Variants in GNA14 observed in about 807,000 individuals in gnomAD.
The protein encoded by GNA14 is G protein subunit alpha 14, also known as guanine nucleotide-binding protein subunit alpha-14.
Under a neutral mutation model 42.0 loss-of-function variants are expected in GNA14, and 50 were observed. The ratio of observed to expected loss-of-function variants is 1.19; its 90% CI spans 0.95 to 1.51. The LOEUF is 1.51. Ranked by LOEUF, GNA14 falls within the 40% of genes most tolerant of loss-of-function variation. The pLI is 0.00. For missense variants in GNA14, 473 were observed against 446.2 expected (o/e 1.06, Z -0.54); for synonymous variants, 173 against 163.1 (o/e 1.06, Z -0.46).
intron 2 of GNA14, among the ~76,000 whole-genome samples, chr9:77,525,264 T>C (rs1054206580): frequency 2.0e-5 from 3 of 152,170 alleles, no homozygotes; most frequent in African/African-American, 7.2e-5. Context: ...ACAGAAAAGT[T>C]TGCAGACTCC....
At chr9:77,448,165 G>A (rs1211066071) in intron 2 of GNA14, among the ~76,000 whole-genome samples, 1 of 152,156 alleles carries the variant, frequency 6.6e-6, no homozygotes, top group Non-Finnish European at 1.5e-5. Context: ...GCAGCATCAA[G>A]CTGTTGAGAC....
At chr9:77,643,983 A>G (rs1384380069) in intron 1 of GNA14, among the ~76,000 whole-genome samples, 1 of 152,160 alleles carries the variant, frequency 6.6e-6, no homozygotes, top group Admixed American at 6.6e-5. Context: ...GACTGGGCTA[A>G]GAATCTACAT....
chr9:77,491,718 G>A (rs774400777), intron 2 of GNA14, among the ~76,000 whole-genome samples: 16 of 152,110 alleles, frequency 1.1e-4, no homozygotes, highest in Admixed American at 2.6e-4. Context: ...TACTGGTAGC[G>A]TACTTCAACA....
chr9:77,633,689 G>A (rs532077976), intron 1 of GNA14, among the ~76,000 whole-genome samples: 1 of 151,768 alleles, frequency 6.6e-6, no homozygotes, highest in East Asian at 1.9e-4. Flanking sequence ...CCCCCATGGG[G>A]TAGATTTTGG....
intron 2 of GNA14, among the ~76,000 whole-genome samples, chr9:77,488,135 T>C (rs745961913): frequency 7.9e-5 from 12 of 152,146 alleles, no homozygotes; most frequent in Non-Finnish European, 1.6e-4. Context: ...AAGCCAGCAA[T>C]ATCTTAGAAC....
rs118091065 is a variant in GNA14 at position 77,468,186 on chromosome 9, G to A, written c.310-33664C>T. On this transcript the variant is annotated intron_variant, in intron 2 of 6. Transcript: ENST00000341700. ...TCTATCACATGGACATGGGGGCAGG[G>A]GCATGAGAATGAGTCATGGCTCAAA... Among the ~76,000 whole-genome samples the A allele has an allele frequency of 7.8e-3, 1,181 of 152,196 alleles. 2 individuals carry two copies. The highest frequency in any genetic ancestry group is 0.012 in the Non-Finnish European group (849 of 68,002).
chr9:77,474,062 A>G (rs933288730), intron 2 of GNA14, among the ~76,000 whole-genome samples: 1 of 152,234 alleles, frequency 6.6e-6, no homozygotes, highest in Admixed American at 6.5e-5. Context: ...TCTTAGAAGT[A>G]ACATAGGCAT....
At chr9:77,646,438 C>CG (rs1824352763) in intron 1 of GNA14, among the ~76,000 whole-genome samples, 1 of 137,124 alleles carries the variant, frequency 7.3e-6, no homozygotes, top group Non-Finnish European at 1.6e-5. Flanking sequence ...AGGGGCACAC[C>CG]CCCCCCCAAC....
chr9:77,478,394 A>T (rs1356468059), intron 2 of GNA14, among the ~76,000 whole-genome samples: 1 of 152,208 alleles, frequency 6.6e-6, no homozygotes, highest in Non-Finnish European at 1.5e-5. Context: ...TCCATGGAGT[A>T]TATGTGCCAC....
At chr9:77,640,891 A>AAAC (rs1297607578) in intron 1 of GNA14, among the ~76,000 whole-genome samples, 5 of 149,066 alleles carry the variant, frequency 3.4e-5, no homozygotes, top group African/African-American at 7.5e-5. Context: ...AAAAAAAAAA[A>AAAC]ACAACAGACA....
intron 2 of GNA14, among the ~76,000 whole-genome samples, chr9:77,471,569 C>G (rs889853606): frequency 6.6e-6 from 1 of 152,104 alleles, no homozygotes; most frequent in Admixed American, 6.5e-5. Flanking sequence ...GTGAAAATCA[C>G]AGAGGAAGAG....
At chr9:77,561,452 G>A (rs1822882456) in intron 1 of GNA14, among the ~76,000 whole-genome samples, 1 of 152,192 alleles carries the variant, frequency 6.6e-6, no homozygotes, top group Non-Finnish European at 1.5e-5. Context: ...TAGTTTCATT[G>A]TTTTTATCCA....
chr9:77,601,569 T>A (rs1255103972), intron 1 of GNA14, among the ~76,000 whole-genome samples: 2 of 152,208 alleles, frequency 1.3e-5, no homozygotes. Context: ...GAAAGAGACA[T>A]CATTTGCAGG....
intron 1 of GNA14, among the ~76,000 whole-genome samples, chr9:77,557,381 A>G (rs116111711): frequency 0.01 from 1,528 of 152,292 alleles, 35 homozygotes; most frequent in African/African-American, 0.035. Flanking sequence ...TGGGAAAGTA[A>G]CCAGAATGCA....
intron 1 of GNA14, among the ~76,000 whole-genome samples, chr9:77,545,950 T>C (rs1194272642): frequency 6.6e-6 from 1 of 152,228 alleles, no homozygotes; most frequent in East Asian, 1.9e-4. Context: ...CTGAATAATT[T>C]AAGAATTATC....
intron 2 of GNA14, among the ~76,000 whole-genome samples, chr9:77,494,445 T>A (rs575382697): frequency 4.2e-5 from 6 of 143,422 alleles, no homozygotes; most frequent in African/African-American, 1.5e-4. Context: ...AAAGAAAATG[T>A]ATTGTGATTG....
At chr9:77,448,990 A>G (rs535876387) in intron 2 of GNA14, among the ~76,000 whole-genome samples, 1 of 152,378 alleles carries the variant, frequency 6.6e-6, no homozygotes, top group Admixed American at 6.5e-5. Flanking sequence ...CATCCACTGC[A>G]TAATGACATT....
intron 1 of GNA14, among the ~76,000 whole-genome samples, chr9:77,567,182 C>T (rs1056199198): frequency 1.3e-5 from 2 of 152,126 alleles, no homozygotes; most frequent in Non-Finnish European, 2.9e-5. Flanking sequence ...AAATGTATTG[C>T]TCCCATATAT....
In GNA14 at chr9:77,532,696, C is replaced by T. The variant is rs150150979; in HGVS notation, c.125-3443G>A. ...TTAGATCCTACATCCTACCTAACTA[C>T]CTATTAGAATATGTGGTTTGTTTCA... On this transcript the variant is annotated intron_variant, in intron 1 of 6. Coordinates refer to ENST00000341700, the MANE Select transcript of GNA14 (RefSeq NM_004297.4). 4.6e-3 allele frequency among the ~76,000 whole-genome samples: 699 copies of T among 152,282 alleles called. 1 individual carries two copies. The highest frequency in any genetic ancestry group is 8.2e-3 in the Non-Finnish European group (558 of 68,038).
Sources: allele counts gnomAD v4.1 joint callset (sites outside exome capture counted in the v4.1 genomes callset), GRCh38; gene constraint gnomAD v4.1.1; transcripts MANE v1.5; gene names NCBI Gene and HGNC (gene_info 2026-07-23, HGNC 2026-07-21).